Variants in CDH23 observed in about 807,000 individuals in gnomAD.
CDH23 encodes cadherin-23.
CDH23 carries 189 observed loss-of-function variants against 317.1 expected under a neutral mutation model. That is an observed-to-expected ratio of 0.60 (90% CI 0.53 to 0.67). The LOEUF (loss-of-function observed/expected upper bound fraction) is 0.67. Among genes scored for constraint, CDH23 ranks in the 30% least tolerant of loss-of-function variants. The pLI is 0.00. For missense variants in CDH23, 4,401 were observed against 4,592.4 expected (o/e 0.96, Z 1.20); for synonymous variants, 1,839 against 1,876.8 (o/e 0.98, Z 0.52).
At chr10:71,798,021 G>A (rs1032093967) in intron 49 of CDH23, among the ~76,000 whole-genome samples, 4 of 152,198 alleles carry the variant, frequency 2.6e-5, no homozygotes, top group East Asian at 1.9e-4. Flanking sequence ...GGCCCAGGCC[G>A]GTTACATAGA....
intron 19 of CDH23, among the ~76,000 whole-genome samples, chr10:71,689,796 T>C (rs1865117732): frequency 6.6e-6 from 1 of 152,148 alleles, no homozygotes; most frequent in Non-Finnish European, 1.5e-5. Context: ...AGGGGTCCAG[T>C]CTGGGTGTGA....
chr10:71,410,862 A>G (rs976567169), intron 1 of CDH23, among the ~76,000 whole-genome samples: 3 of 152,314 alleles, frequency 2.0e-5, no homozygotes, highest in Non-Finnish European at 4.4e-5. Context: ...ATATACCACA[A>G]TTCATCCATT....
chr10:71,810,678 C>T (rs1841888858), intron 62 of CDH23, 109 bp downstream of exon 62: 1 of 1,001,858 alleles, frequency 1.0e-6, no homozygotes, highest in South Asian at 1.5e-5. Flanking sequence ...ACCATCAGGC[C>T]CACTGTGTGG....
chr10:71,686,505 G>A (rs578199658), intron 18 of CDH23, among the ~76,000 whole-genome samples: 1 of 152,090 alleles, frequency 6.6e-6, no homozygotes, highest in Non-Finnish European at 1.5e-5. Flanking sequence ...TGTCCCAAGG[G>A]GGGTGCAGCC....
In CDH23 at chr10:71,812,126, C is replaced by T. The variant is rs11000015; in HGVS notation, c.9380+111C>T. On this transcript the variant is annotated intron_variant, in intron 66 of 69. Transcript: ENST00000224721. The stretch of plus-strand genomic sequence containing the variant: ...GGGCTGCCGAAACCCAGGCTGTGGG[C>T]GCCCCCTGGTGGGCGGGCCACCCTC... 0.11 allele frequency: 180,383 copies of T among 1,601,764 alleles called. 13,684 individuals are homozygous for T. Among genetic ancestry groups the T allele is most frequent in the East Asian group, 0.39 (17,181 of 44,510 alleles).
chr10:71,784,069 G>T (rs937663799), intron 41 of CDH23, among the ~76,000 whole-genome samples: 1 of 152,154 alleles, frequency 6.6e-6, no homozygotes, highest in Non-Finnish European at 1.5e-5. Flanking sequence ...GCCCGTGTCC[G>T]CCTGCACCCG....
Position 71,510,208 on chromosome 10 carries a change from A to T in CDH23, c.272A>T (p.Gln91Leu). 6.2e-7 allele frequency: 1 copy of T among 1,613,794 alleles called. No homozygotes were observed. Among genetic ancestry groups the T allele is most frequent in the East Asian group, 2.2e-5 (1 of 44,870 alleles). ...GACACTGGCGTGGTGTGGCTCCGGC[A>T]GCCACTGGACAGAGAGGTATGACTT... ...EPDTGVVWLR[Q>L]PLDRETKSEF... The change falls in exon 4 of 70, where the codon CAG (glutamine) becomes CTG (leucine). Residue 91 changes from glutamine to leucine, a missense_variant. Coordinates refer to ENST00000224721, the MANE Select transcript of CDH23 (RefSeq NM_022124.6).
intron 14 of CDH23, among the ~76,000 whole-genome samples, chr10:71,656,414 C>T (rs1863419278): frequency 6.6e-6 from 1 of 152,248 alleles, no homozygotes; most frequent in South Asian, 2.1e-4. Context: ...CAGAACTCTG[C>T]ACTCTCTGGC....
intron 6 of CDH23, among the ~76,000 whole-genome samples, chr10:71,549,315 T>C (rs16929032): frequency 0.033 from 5,051 of 152,232 alleles, 280 homozygotes; most frequent in African/African-American, 0.11. Context: ...AGAAAGCTGT[T>C]GTAAGTGAAT....
chr10:71,544,917 AGGT>A (rs1187297536), intron 6 of CDH23, among the ~76,000 whole-genome samples: 1 of 152,130 alleles, frequency 6.6e-6, no homozygotes. Context: ...TAGAGGTTGG[AGGT>A]GGTCTGTGGC....
intron 38 of CDH23, chr10:71,750,939 C>A: frequency 3.2e-6 from 1 of 312,802 alleles, no homozygotes; most frequent in Non-Finnish European, 5.9e-6. Context: ...AGAACGAGAG[C>A]TGCTGAAGGG....
chr10:71,413,110 G>T (rs1217993238), intron 1 of CDH23, among the ~76,000 whole-genome samples: 1 of 152,056 alleles, frequency 6.6e-6, no homozygotes, highest in Non-Finnish European at 1.5e-5. Context: ...TATAGTTGTG[G>T]TTCTTATGTT....
chr10:71,519,443 C>T, intron 6 of CDH23, among the ~76,000 whole-genome samples: 1 of 152,264 alleles, frequency 6.6e-6, no homozygotes. Flanking sequence ...TTCCTCCAGG[C>T]AGTGGGGCAC....
In CDH23 at chr10:71,741,785, G is replaced by A. The variant is rs2132847691; in HGVS notation, c.4709G>A (p.Gly1570Asp). 3 of 1,612,784 alleles carry A rather than the reference G, an allele frequency of 1.9e-6. No homozygotes were observed. The highest frequency in any genetic ancestry group is 2.5e-6 in the Non-Finnish European group (3 of 1,179,454). ...GTTCTGTCCTACTACATCACCGAGG[G>A]CAACAAGGACATGGCCTTCCGCATG... ...NSVLSYYITEGNKDMAFRMDR... is the reference protein window; with the variant it reads ...NSVLSYYITEDNKDMAFRMDR... The change falls in exon 38 of 70, where the codon GGC becomes GAC. Residue 1570 changes from glycine to aspartate, a missense_variant. Gly to Asp is a moderately conservative substitution (Grantham distance 94). Transcript: ENST00000224721.
chr10:71,423,760 G>A (rs948521989), intron 1 of CDH23, among the ~76,000 whole-genome samples: 1 of 152,192 alleles, frequency 6.6e-6, no homozygotes, highest in South Asian at 2.1e-4. Flanking sequence ...TTTGGAAAAT[G>A]AGGTGGTGTT....
At chr10:71,452,008 C>T (rs1850469970) in intron 3 of CDH23, among the ~76,000 whole-genome samples, 1 of 152,178 alleles carries the variant, frequency 6.6e-6, no homozygotes, top group African/African-American at 2.4e-5. Context: ...GGAGTGGGCC[C>T]AGGAGAGCAC....
chr10:71,741,639 G>T, intron 37 of CDH23, 55 bp from the exon 38 acceptor site: 1 of 1,496,262 alleles, frequency 6.7e-7, no homozygotes, highest in South Asian at 1.2e-5. Context: ...GCAGGTGCCA[G>T]ACTGTGCCCC....
intron 45 of CDH23, among the ~76,000 whole-genome samples, chr10:71,789,328 T>C (rs755285153): frequency 3.3e-5 from 5 of 152,158 alleles, no homozygotes; most frequent in Non-Finnish European, 4.4e-5. Context: ...ATGTAAGGTG[T>C]GAGGACTACC....
intron 9 of CDH23, among the ~76,000 whole-genome samples, chr10:71,578,496 G>A (rs10823790): frequency 0.42 from 64,282 of 151,890 alleles, 14,017 homozygotes; most frequent in African/African-American, 0.53. Flanking sequence ...GGAATGTTGC[G>A]GGGGGGAACA....
Sources: allele counts gnomAD v4.1 joint callset (sites outside exome capture counted in the v4.1 genomes callset), GRCh38; gene constraint gnomAD v4.1.1; transcripts MANE v1.5; gene names NCBI Gene and HGNC (gene_info 2026-07-23, HGNC 2026-07-21).